NCBP2L: variants seen among roughly 807,000 people sequenced by gnomAD.
NCBP2L encodes the protein nuclear cap-binding protein subunit 2-like.
For missense variants in NCBP2L, 95 were observed against 53.1 expected (o/e 1.79, Z -2.45); for synonymous variants, 39 against 19.2 (o/e 2.04, Z -2.70).
intron 1 of NCBP2L, among the ~76,000 whole-genome samples, chrX:107,781,696 A>C (rs775621785): frequency 0.077 from 4,609 of 59,900 alleles, 171 homozygotes; most frequent in African/African-American, 0.2. Context: ...CTCTCTCTAT[A>C]TATATATATA....
At chrX:107,778,093 A>T (rs1930212699) in intron 1 of NCBP2L, among the ~76,000 whole-genome samples, 1 of 110,319 alleles carries the variant, frequency 9.1e-6, no homozygotes, top group African/African-American at 3.3e-5. Flanking sequence ...GTGTAGACTT[A>T]TAGTCTACTA....
intron 1 of NCBP2L, among the ~76,000 whole-genome samples, chrX:107,781,722 A>C: frequency 1.1e-5 from 1 of 90,637 alleles, no homozygotes; most frequent in South Asian, 4.9e-4. Flanking sequence ...ATCTATAGAT[A>C]TCTATAGATC....
rs763732919 is a variant in NCBP2L at position 107,794,511 on chromosome X, G to A, written c.291G>A (p.Arg97=). 3.5e-6 allele frequency: 2 copies of A among 570,169 alleles called. No individual in the cohort carries two copies. The highest frequency in any genetic ancestry group is 4.4e-5 in the South Asian group (2 of 44,988). 47.0% of individuals were successfully genotyped at this position (570,169 alleles called of 1,213,427 possible). A position where few individuals can be genotyped will look rare whatever the true frequency, so the allele number is the denominator to read the frequency against. ...HNRADAENAM[R]FLTGTCLDEW... ...GAGCTGATGCTGAAAATGCCATGCG[G>A]TTTCTAACTGGGACCTGCCTAGATG... Residue 97 remains arginine (R), a synonymous_variant, in exon 2 of 2, where the codon CGG becomes CGA. Transcript: ENST00000509000.
intron 1 of NCBP2L, among the ~76,000 whole-genome samples, chrX:107,787,730 T>G (rs189375729): frequency 2.1e-4 from 24 of 112,115 alleles, no homozygotes; most frequent in African/African-American, 6.1e-4. Context: ...AGGAACAGTC[T>G]TATAAAGGTA....
intron 1 of NCBP2L, among the ~76,000 whole-genome samples, chrX:107,792,942 G>T (rs1208928598): frequency 8.9e-6 from 1 of 112,111 alleles, no homozygotes; most frequent in Non-Finnish European, 1.9e-5. Flanking sequence ...TTACTTGTTT[G>T]CCTTCATCAC....
Position 107,794,893 on chromosome X carries a change from T to C in NCBP2L, c.*211T>C, listed in dbSNP as rs1001983931. 3.1e-6 allele frequency: 1 copy of C among 321,643 alleles called. No homozygotes were observed. The highest frequency in any genetic ancestry group is 5.5e-6 in the Non-Finnish European group (1 of 183,351). The allele number at this position is 321,643 out of a possible 1,213,427, so 26.5% of individuals were successfully genotyped here. A position where few individuals can be genotyped will look rare whatever the true frequency, so the allele number is the denominator to read the frequency against. ...ATGCTTTTCAGATTACCAGTTTGAC[T>C]GTTAGGTGGTCCAAAGTGAAGTGTT... On this transcript the variant is annotated 3_prime_UTR_variant, in exon 2 of 2. Transcript: ENST00000509000.
chrX:107,790,571 G>A (rs1182125813), intron 1 of NCBP2L, among the ~76,000 whole-genome samples: 1 of 110,736 alleles, frequency 9.0e-6, no homozygotes, highest in Non-Finnish European at 1.9e-5. Flanking sequence ...ACGTCAGACT[G>A]AACACCCCCC....
chrX:107,779,130 A>G (rs935647562), intron 1 of NCBP2L, among the ~76,000 whole-genome samples: 1 of 112,005 alleles, frequency 8.9e-6, no homozygotes, highest in Non-Finnish European at 1.9e-5. Context: ...GAGACATGGA[A>G]GCTGGTATAG....
At chrX:107,788,524 T>TTCATTCATTC (rs1429995545) in intron 1 of NCBP2L, among the ~76,000 whole-genome samples, 1 of 112,446 alleles carries the variant, frequency 8.9e-6, no homozygotes, top group African/African-American at 3.2e-5. Context: ...TTCTTGACCC[T>TTCATTCATTC]TCATTCATTC....
intron 1 of NCBP2L, among the ~76,000 whole-genome samples, chrX:107,788,084 G>A: frequency 8.9e-6 from 1 of 111,791 alleles, no homozygotes; most frequent in Non-Finnish European, 1.9e-5. Context: ...TTCTCCAGTA[G>A]CAAGAGTCAA....
chrX:107,784,737 G>A (rs1212471348), intron 1 of NCBP2L, among the ~76,000 whole-genome samples: 3 of 103,054 alleles, frequency 2.9e-5, no homozygotes, highest in Non-Finnish European at 5.9e-5. Flanking sequence ...TTGGGAAGCT[G>A]AGGCGGGTGG....
intron 1 of NCBP2L, among the ~76,000 whole-genome samples, chrX:107,781,784 A>ATAGATATATATATTTATATATAGATATC (rs1930291870): frequency 1.4e-5 from 1 of 73,516 alleles, no homozygotes; most frequent in African/African-American, 5.7e-5. Flanking sequence ...ATATAGATCT[A>ATAGATATATATATTTATATATAGATATC]TAGATATCTA....
At chrX:107,790,558 A>G (rs1379866445) in intron 1 of NCBP2L, among the ~76,000 whole-genome samples, 1 of 111,027 alleles carries the variant, frequency 9.0e-6, no homozygotes, top group Non-Finnish European at 1.9e-5. Context: ...CTTTGCCCAA[A>G]TAACGTCAGA....
At chrX:107,783,856 G>A (rs956037349) in intron 1 of NCBP2L, among the ~76,000 whole-genome samples, 4 of 97,877 alleles carry the variant, frequency 4.1e-5, no homozygotes, top group Admixed American at 1.1e-4. Flanking sequence ...TCTGGTGTGC[G>A]TATGTGTGTG....
At chrX:107,781,558 C>T (rs1365266825) in intron 1 of NCBP2L, among the ~76,000 whole-genome samples, 1 of 98,541 alleles carries the variant, frequency 1.0e-5, no homozygotes, top group Non-Finnish European at 2.0e-5. Context: ...AGCAATCCGC[C>T]TGCCTTGGCC....
chrX:107,795,300 G>A lies in NCBP2L; in HGVS notation c.*618G>A, dbSNP rs934612798. 1.8e-5 allele frequency: 2 copies of A among 111,252 alleles called. No homozygotes were observed. The highest frequency in any genetic ancestry group is 3.3e-5 in the African/African-American group (1 of 30,535). The allele number at this position is 111,252 out of a possible 1,213,427, so 9.2% of individuals were successfully genotyped here. ...ATGACTACTTACTTTCTTTTTAAAC[G>A]CTACGTACTGACTTCCTACTTTCAG... On this transcript the variant is annotated 3_prime_UTR_variant, in exon 2 of 2. Coordinates refer to ENST00000509000, the MANE Select transcript of NCBP2L (RefSeq NM_001348372.2).
intron 1 of NCBP2L, among the ~76,000 whole-genome samples, chrX:107,786,220 C>A (rs981274970): frequency 2.7e-5 from 3 of 111,198 alleles, no homozygotes. Context: ...CTCCAAGCTG[C>A]AGACAGGCTG....
At chrX:107,781,682 C>A (rs1355197937) in intron 1 of NCBP2L, among the ~76,000 whole-genome samples, 1 of 78,169 alleles carries the variant, frequency 1.3e-5, no homozygotes, top group African/African-American at 5.8e-5. Context: ...ATCTATCTCT[C>A]TCTCTCTCTC....
chrX:107,790,945 C>T (rs1284996450), intron 1 of NCBP2L, among the ~76,000 whole-genome samples: 3 of 111,914 alleles, frequency 2.7e-5, no homozygotes, highest in Non-Finnish European at 5.6e-5. Flanking sequence ...TCTGGGCCTA[C>T]TGTGTGCTCC....
Sources: allele counts gnomAD v4.1 joint callset (sites outside exome capture counted in the v4.1 genomes callset), GRCh38; gene constraint gnomAD v4.1.1; transcripts MANE v1.5; gene names NCBI Gene and HGNC (gene_info 2026-07-23, HGNC 2026-07-21).